BBS9: variants seen among roughly 807,000 people sequenced by gnomAD.
The protein encoded by BBS9 is protein PTHB1.
BBS9 carries 89 observed loss-of-function variants against 117.7 expected under a neutral mutation model. The observed-to-expected ratio is 0.76, with a 90% CI of 0.64 to 0.90. The LOEUF is 0.90. Among genes scored for constraint, BBS9 ranks in the 40% least tolerant of loss-of-function variants. The pLI, the probability that BBS9 is intolerant of heterozygous loss-of-function variation, is 0.00. For missense variants in BBS9, 982 were observed against 1,042.2 expected (o/e 0.94, Z 0.80); for synonymous variants, 379 against 370.9 (o/e 1.02, Z -0.25).
intron 9 of BBS9, among the ~76,000 whole-genome samples, chr7:33,294,294 T>C (rs1254743407): frequency 1.5e-4 from 1 of 6,748 alleles, no homozygotes; most frequent in Non-Finnish European, 3.1e-4. Flanking sequence ...ATCTATCATC[T>C]ATCTATCTAT....
chr7:33,167,193 A>G (rs6978749), intron 4 of BBS9, among the ~76,000 whole-genome samples: 24,640 of 152,124 alleles, frequency 0.16, 2,142 homozygotes, highest in South Asian at 0.21. Flanking sequence ...TGTTTCTCCA[A>G]TTTAGGTTCA....
intron 5 of BBS9, among the ~76,000 whole-genome samples, chr7:33,180,181 C>A (rs921655424): frequency 6.6e-6 from 1 of 152,096 alleles, no homozygotes; most frequent in Middle Eastern, 3.2e-3. Context: ...TTTAAAATAG[C>A]CAATCAGAAT....
intron 9 of BBS9, among the ~76,000 whole-genome samples, chr7:33,275,318 G>A (rs1300876872): frequency 2.0e-5 from 3 of 152,112 alleles, no homozygotes; most frequent in African/African-American, 7.2e-5. Flanking sequence ...TAAAAGTTTT[G>A]AGATTGGCTT....
intron 19 of BBS9, among the ~76,000 whole-genome samples, chr7:33,481,247 A>G (rs952738376): frequency 1.7e-4 from 26 of 152,316 alleles, no homozygotes; most frequent in African/African-American, 6.0e-4. Context: ...TGGATAGGTG[A>G]TGAGTGATCC....
chr7:33,486,602 G>T (rs1359521272), intron 19 of BBS9, among the ~76,000 whole-genome samples: 2 of 152,152 alleles, frequency 1.3e-5, no homozygotes, highest in African/African-American at 4.8e-5. Context: ...AGATTTTAAG[G>T]TATAGGTTTA....
At chr7:33,243,382 G>C (rs1462077752) in intron 5 of BBS9, among the ~76,000 whole-genome samples, 1 of 152,216 alleles carries the variant, frequency 6.6e-6, no homozygotes, top group South Asian at 2.1e-4. Context: ...TGATGCAGCT[G>C]AATTCCTGTT....
At chr7:33,181,255 G>A (rs531002053) in intron 5 of BBS9, among the ~76,000 whole-genome samples, 8 of 152,222 alleles carry the variant, frequency 5.3e-5, no homozygotes, top group South Asian at 2.1e-4. Context: ...AAGGATAGGT[G>A]GGACACTTCT....
chr7:33,439,700 T>C lies in BBS9; in HGVS notation c.2115+51556T>C, dbSNP rs189453987. ...TGTGCCACCACGCCCAGCTAATTTTTGTATTTTTAGTAGAGACAGGGTTTC... is the reference window on the plus strand; with the variant it reads ...TGTGCCACCACGCCCAGCTAATTTTCGTATTTTTAGTAGAGACAGGGTTTC... On this transcript the variant is annotated intron_variant, in intron 19 of 22. Transcript: ENST00000242067. 4.7e-3 allele frequency among the ~76,000 whole-genome samples: 723 copies of C among 152,236 alleles called. 5 individuals are homozygous for C. Among genetic ancestry groups the C allele is most frequent in the African/African-American group, 0.017 (697 of 41,520 alleles).
chr7:33,621,054 A>G (rs985554615), intron 21 of BBS9, among the ~76,000 whole-genome samples: 1 of 152,176 alleles, frequency 6.6e-6, no homozygotes, highest in Non-Finnish European at 1.5e-5. Context: ...CTTATCTCAC[A>G]TCATATACAA....
Position 33,436,681 on chromosome 7 carries a change from C to T in BBS9, c.2115+48537C>T, listed in dbSNP as rs140329400. 6.6e-3 allele frequency among the ~76,000 whole-genome samples: 1,007 copies of T among 152,328 alleles called. 11 individuals carry two copies. Among genetic ancestry groups the T allele is most frequent in the African/African-American group, 0.023 (953 of 41,566 alleles). On this transcript the variant is annotated intron_variant, in intron 19 of 22. Transcript: ENST00000242067. Reference sequence around the variant, plus strand: ...CTCTGCCATCAACTTTTTAGATCCACCTTGACCATGGCATTGATAACGCTG... The same window carrying T: ...CTCTGCCATCAACTTTTTAGATCCATCTTGACCATGGCATTGATAACGCTG...
intron 19 of BBS9, among the ~76,000 whole-genome samples, chr7:33,415,019 C>G (rs1222144173): frequency 6.6e-6 from 1 of 152,096 alleles, no homozygotes; most frequent in Non-Finnish European, 1.5e-5. Context: ...TTATTTGGAT[C>G]GAAATACCTT....
chr7:33,567,523 T>C (rs1224982121), intron 21 of BBS9, among the ~76,000 whole-genome samples: 1 of 152,176 alleles, frequency 6.6e-6, no homozygotes, highest in Non-Finnish European at 1.5e-5. Context: ...CTTCTCAGCC[T>C]CTTTCATGGG....
At chr7:33,513,901 G>A (rs1847339465) in intron 20 of BBS9, among the ~76,000 whole-genome samples, 2 of 152,166 alleles carry the variant, frequency 1.3e-5, no homozygotes, top group African/African-American at 4.8e-5. Context: ...ACTTATTTGT[G>A]ATATGGTCTT....
chr7:33,384,538 TA>T (rs1318955895), intron 18 of BBS9, among the ~76,000 whole-genome samples: 1 of 152,188 alleles, frequency 6.6e-6, no homozygotes, highest in Non-Finnish European at 1.5e-5. Flanking sequence ...ATAGTTTTTT[TA>T]AAAGTCCCAT....
intron 5 of BBS9, among the ~76,000 whole-genome samples, chr7:33,253,339 G>T (rs1037924450): frequency 3.9e-5 from 6 of 152,142 alleles, no homozygotes; most frequent in African/African-American, 1.4e-4. Flanking sequence ...TTGGCCGGGC[G>T]CAGTGGCTTA....
intron 9 of BBS9, among the ~76,000 whole-genome samples, chr7:33,288,372 G>A (rs1006812703): frequency 1.3e-5 from 2 of 152,116 alleles, no homozygotes; most frequent in Admixed American, 1.3e-4. Flanking sequence ...ACCTCAAAAT[G>A]AGAGACTGCT....
chr7:33,430,299 G>T (rs1563165778), intron 19 of BBS9, among the ~76,000 whole-genome samples: 1 of 152,174 alleles, frequency 6.6e-6, no homozygotes, highest in Non-Finnish European at 1.5e-5. Context: ...TCAACAAAAA[G>T]AAGATCCCAG....
chr7:33,505,405 T>G, intron 19 of BBS9, 58 bp from the exon 20 acceptor site: 5 of 1,559,118 alleles, frequency 3.2e-6, no homozygotes, highest in Non-Finnish European at 4.4e-6. Context: ...CAGACATAAT[T>G]TGTTGAGGGC....
intron 5 of BBS9, among the ~76,000 whole-genome samples, chr7:33,249,855 C>G (rs918249003): frequency 6.6e-6 from 1 of 152,138 alleles, no homozygotes; most frequent in African/African-American, 2.4e-5. Context: ...GTATAATTGC[C>G]TCTGCATCTT....
Sources: allele counts gnomAD v4.1 joint callset (sites outside exome capture counted in the v4.1 genomes callset), GRCh38; gene constraint gnomAD v4.1.1; transcripts MANE v1.5; gene names NCBI Gene and HGNC (gene_info 2026-07-23, HGNC 2026-07-21).